Variants in FSTL4 observed in about 807,000 individuals in gnomAD.
The protein encoded by FSTL4 is follistatin-related protein 4.
In FSTL4, 28 loss-of-function variants were observed where a neutral mutation model predicts 78.2. The observed-to-expected ratio is 0.36, with a 90% CI of 0.27 to 0.49. The LOEUF (loss-of-function observed/expected upper bound fraction) is 0.49, where lower values mean the gene tolerates loss of function less well. Among genes scored for constraint, FSTL4 ranks in the 20% least tolerant of loss-of-function variants. The probability of loss-of-function intolerance (pLI) is 0.98; values close to 1 mark genes in which losing one functional copy is unlikely to be tolerated. For missense variants in FSTL4, 922 were observed against 1,084.9 expected (o/e 0.85, Z 2.11); for synonymous variants, 422 against 440.5 (o/e 0.96, Z 0.53).
At chr5:133,652,047 G>T in the FSTL4 span, among the ~76,000 whole-genome samples, 2 of 152,064 alleles carry the variant, frequency 1.3e-5, no homozygotes, top group African/African-American at 2.4e-5. Flanking sequence ...GCTTAGAGTT[G>T]TTCATAGTAT....
chr5:133,729,198 T>C, the FSTL4 span, among the ~76,000 whole-genome samples: 1 of 150,072 alleles, frequency 6.7e-6, no homozygotes, highest in Non-Finnish European at 1.5e-5. Flanking sequence ...GCCTGGCACA[T>C]GAATTCCTGC....
At chr5:133,838,629 C>G in the FSTL4 span, among the ~76,000 whole-genome samples, 10 of 151,548 alleles carry the variant, frequency 6.6e-5, no homozygotes, top group Admixed American at 5.3e-4. Flanking sequence ...TCTTTATGTA[C>G]TCTCTCCCTG....
intron 7 of FSTL4, chr5:133,248,006 G>A (rs1436769786): frequency 6.6e-6 from 1 of 152,310 alleles, no homozygotes; most frequent in Non-Finnish European, 1.5e-5. Context: ...AGAGTTGGAA[G>A]GGACCTCCAA....
intron 6 of FSTL4, among the ~76,000 whole-genome samples, chr5:133,276,146 C>A (rs1176361870): frequency 6.6e-6 from 1 of 152,214 alleles, no homozygotes; most frequent in Non-Finnish European, 1.5e-5. Flanking sequence ...AATGTTTCCC[C>A]TCTAAGTGGG....
chr5:133,308,970 T>A (rs1753715862), intron 6 of FSTL4, among the ~76,000 whole-genome samples: 1 of 152,186 alleles, frequency 6.6e-6, no homozygotes, highest in African/African-American at 2.4e-5. Flanking sequence ...AAAGGACAAC[T>A]ATTTTCTAAA....
chr5:133,499,184 C>A (rs541411220), intron 3 of FSTL4, among the ~76,000 whole-genome samples: 1 of 152,114 alleles, frequency 6.6e-6, no homozygotes, highest in Non-Finnish European at 1.5e-5. Context: ...AAACTACACA[C>A]AGGAGATCTG....
chr5:133,755,450 A>G, the FSTL4 span, among the ~76,000 whole-genome samples: 1 of 152,140 alleles, frequency 6.6e-6, no homozygotes, highest in African/African-American at 2.4e-5. Context: ...CTTGGCTCAG[A>G]AATGGCCCTA....
chr5:133,344,327 T>C (rs1754651409), intron 4 of FSTL4, among the ~76,000 whole-genome samples: 1 of 152,226 alleles, frequency 6.6e-6, no homozygotes, highest in Admixed American at 6.5e-5. Flanking sequence ...TTTTACCTCA[T>C]TACATTCTGT....
intron 2 of FSTL4, among the ~76,000 whole-genome samples, chr5:133,577,911 C>A (rs985283092): frequency 6.6e-6 from 1 of 152,092 alleles, no homozygotes; most frequent in Non-Finnish European, 1.5e-5. Flanking sequence ...AACAAACAAA[C>A]AAACAAACAA....
At chr5:133,652,567 GT>G in the FSTL4 span, among the ~76,000 whole-genome samples, 2 of 151,972 alleles carry the variant, frequency 1.3e-5, no homozygotes, top group Non-Finnish European at 2.9e-5. Flanking sequence ...TCCTAGCTAT[GT>G]TTTTATTTAC....
At chr5:133,217,935 C>G (rs1750968991) in intron 12 of FSTL4, among the ~76,000 whole-genome samples, 1 of 152,166 alleles carries the variant, frequency 6.6e-6, no homozygotes, top group Non-Finnish European at 1.5e-5. Context: ...AGGGTTCACG[C>G]CTAAGTTTCT....
At chr5:133,448,594 T>C (rs1240658811) in intron 3 of FSTL4, among the ~76,000 whole-genome samples, 1 of 152,146 alleles carries the variant, frequency 6.6e-6, no homozygotes, top group African/African-American at 2.4e-5. Flanking sequence ...CTGTCAGAGC[T>C]CAGCTCACTG....
At chr5:133,748,901 A>T in the FSTL4 span, among the ~76,000 whole-genome samples, 2 of 152,244 alleles carry the variant, frequency 1.3e-5, no homozygotes, top group Non-Finnish European at 2.9e-5. Context: ...CAGCTCTCTC[A>T]TAACAGTCAG....
chr5:133,796,168 T>G, the FSTL4 span, among the ~76,000 whole-genome samples: 2 of 152,238 alleles, frequency 1.3e-5, no homozygotes, highest in Admixed American at 1.3e-4. Context: ...GAGAGTTCCC[T>G]GAACCCCCAC....
At chr5:133,810,396 A>G in the FSTL4 span, among the ~76,000 whole-genome samples, 1 of 152,196 alleles carries the variant, frequency 6.6e-6, no homozygotes, top group Admixed American at 6.5e-5. Flanking sequence ...ATGCCAAATT[A>G]ATCAGCCTCA....
intron 4 of FSTL4, among the ~76,000 whole-genome samples, chr5:133,368,908 C>T (rs993868721): frequency 1.3e-5 from 2 of 152,234 alleles, no homozygotes; most frequent in Non-Finnish European, 2.9e-5. Flanking sequence ...TAAAGATCAG[C>T]TGGCAGGCCA....
At chr5:133,646,901 C>T in the FSTL4 span, among the ~76,000 whole-genome samples, 15 of 152,238 alleles carry the variant, frequency 9.9e-5, no homozygotes, top group East Asian at 1.9e-4. Flanking sequence ...GTACCATTTT[C>T]GTCGTTTTAG....
At chr5:133,243,078 C>G (rs1751925801) in intron 7 of FSTL4, among the ~76,000 whole-genome samples, 1 of 152,084 alleles carries the variant, frequency 6.6e-6, no homozygotes, top group Non-Finnish European at 1.5e-5. Flanking sequence ...TTATTTGTTC[C>G]TGGTTTTATA....
chr5:133,201,848 GC>G, intron 15 of FSTL4, 84 bp downstream of exon 15: 1 of 724,686 alleles, frequency 1.4e-6, no homozygotes, highest in Non-Finnish European at 2.3e-6. Context: ...AGAGAAATGA[GC>G]AGGTCCCATG....
Sources: allele counts gnomAD v4.1 joint callset (sites outside exome capture counted in the v4.1 genomes callset), GRCh38; gene constraint gnomAD v4.1.1; transcripts MANE v1.5; gene names NCBI Gene and HGNC (gene_info 2026-07-23, HGNC 2026-07-21).